The following NBAS variants were observed in gnomAD, a reference collection of about 807,000 sequenced individuals.
NBAS encodes the protein NAG/BC035112 fusion.
A neutral mutation model predicts 302.5 loss-of-function variants in NBAS; 219 were observed. The ratio of observed to expected loss-of-function variants is 0.72; its 90% CI spans 0.65 to 0.81. NBAS has a LOEUF of 0.81. Among genes scored for constraint, NBAS ranks in the 30% least tolerant of loss-of-function variants. The pLI is 0.00. For missense variants in NBAS, 2,932 were observed against 2,841.6 expected (o/e 1.03, Z -0.72); for synonymous variants, 1,118 against 1,021.6 (o/e 1.09, Z -1.80).
At chr2:14,940,750 G>A in the NBAS span, among the ~76,000 whole-genome samples, 2 of 152,162 alleles carry the variant, frequency 1.3e-5, no homozygotes, top group African/African-American at 4.8e-5. Context: ...GGCTGCTCCC[G>A]ATGTATGGTG....
chr2:14,916,758 T>G, the NBAS span, among the ~76,000 whole-genome samples: 1 of 152,218 alleles, frequency 6.6e-6, no homozygotes, highest in Non-Finnish European at 1.5e-5. Flanking sequence ...AGATGCCTCA[T>G]GTATTCAGAT....
chr2:14,855,875 G>A, the NBAS span, among the ~76,000 whole-genome samples: 2 of 152,218 alleles, frequency 1.3e-5, no homozygotes, highest in Admixed American at 6.5e-5. Flanking sequence ...CACAGGCCTG[G>A]CTGGCTTTGC....
intron 6 of NBAS, among the ~76,000 whole-genome samples, chr2:15,543,911 CATA>C (rs779784342): frequency 3.2e-4 from 48 of 152,096 alleles, no homozygotes; most frequent in Non-Finnish European, 6.2e-4. Context: ...CTATTTTGTT[CATA>C]ATGTTTATGA....
intron 21 of NBAS, among the ~76,000 whole-genome samples, chr2:15,436,678 A>C (rs1678032866): frequency 6.6e-6 from 1 of 152,198 alleles, no homozygotes; most frequent in Admixed American, 6.5e-5. Flanking sequence ...GAGGAAAAAA[A>C]TTGAAACCTT....
At chr2:15,493,686 AG>A (rs1446743433) in intron 11 of NBAS, among the ~76,000 whole-genome samples, 20 of 151,900 alleles carry the variant, frequency 1.3e-4, no homozygotes, top group African/African-American at 3.1e-4. Flanking sequence ...AAAAAAAAAA[AG>A]GTAAACCTCA....
the NBAS span, among the ~76,000 whole-genome samples, chr2:15,002,241 C>T: frequency 0.01 from 1,570 of 151,990 alleles, 25 homozygotes; most frequent in African/African-American, 0.036. Flanking sequence ...ATAGAGAGTG[C>T]CTGCCGATTG....
At chr2:15,112,370 A>C in the NBAS span, among the ~76,000 whole-genome samples, 140 of 152,254 alleles carry the variant, frequency 9.2e-4, 3 homozygotes, top group East Asian at 0.019. Context: ...GGATTGTGAA[A>C]AAATTAATAA....
intron 38 of NBAS, among the ~76,000 whole-genome samples, chr2:15,323,643 C>CA (rs952987097): frequency 6.6e-6 from 1 of 151,974 alleles, no homozygotes; most frequent in Non-Finnish European, 1.5e-5. Flanking sequence ...CCAGCCTGGA[C>CA]AACACGAGGA....
the NBAS span, among the ~76,000 whole-genome samples, chr2:15,011,384 T>TA: frequency 6.8e-4 from 100 of 147,890 alleles, no homozygotes; most frequent in Non-Finnish European, 1.2e-3. Context: ...TTTGAAGAGC[T>TA]AAAAAAAAAA....
chr2:15,247,524 T>G (rs1490616462), intron 44 of NBAS, among the ~76,000 whole-genome samples: 1 of 152,006 alleles, frequency 6.6e-6, no homozygotes, highest in Non-Finnish European at 1.5e-5. Flanking sequence ...GAGGAATATT[T>G]AGCAAGCAAA....
intron 40 of NBAS, among the ~76,000 whole-genome samples, chr2:15,306,182 T>C (rs1671027048): frequency 1.3e-5 from 2 of 152,210 alleles, no homozygotes; most frequent in African/African-American, 4.8e-5. Context: ...TAATGCATGT[T>C]TCTTATTTCA....
chr2:14,851,378 A>T, the NBAS span, among the ~76,000 whole-genome samples: 1 of 152,038 alleles, frequency 6.6e-6, no homozygotes, highest in Non-Finnish European at 1.5e-5. Context: ...AGACTAAACC[A>T]GGAAGAAGTT....
chr2:14,819,519 T>G, the NBAS span, among the ~76,000 whole-genome samples: 1 of 152,238 alleles, frequency 6.6e-6, no homozygotes, highest in South Asian at 2.1e-4. Context: ...TGCTTTTGTA[T>G]AGATCATGGA....
intron 6 of NBAS, among the ~76,000 whole-genome samples, chr2:15,540,353 T>C (rs1460425973): frequency 6.6e-6 from 1 of 152,032 alleles, no homozygotes; most frequent in Non-Finnish European, 1.5e-5. Flanking sequence ...CAGAAACGTA[T>C]GGCCTTCTTT....
intron 33 of NBAS, 145 bp downstream of exon 33, chr2:15,356,158 A>G (rs1673607472): frequency 1.4e-6 from 1 of 709,782 alleles, no homozygotes; most frequent in African/African-American, 1.7e-5. Flanking sequence ...CACAGCCTAT[A>G]TACTTACCAG....
chr2:14,814,984 T>C, the NBAS span, among the ~76,000 whole-genome samples: 9 of 152,204 alleles, frequency 5.9e-5, no homozygotes, highest in Non-Finnish European at 4.4e-5. Flanking sequence ...TGTAGCACTT[T>C]TCACTTTGCT....
chr2:15,319,716 TA>T (rs1671703811), intron 38 of NBAS, among the ~76,000 whole-genome samples: 1 of 151,848 alleles, frequency 6.6e-6, no homozygotes, highest in African/African-American at 2.4e-5. Flanking sequence ...ACTCTTTGAA[TA>T]GACAAATAAC....
rs762672898 is a variant in NBAS at position 15,292,791 on chromosome 2, C to T, written c.4798-25G>A. ...CCTATGAAAGACATGGAAAAGAAGA[C>T]ATTTTACCAACATCATACAAACACG... On this transcript the variant is annotated intron_variant, in intron 40 of 51. Coordinates refer to ENST00000281513, the MANE Select transcript of NBAS (RefSeq NM_015909.4). 7 of 1,606,034 alleles carry T rather than the reference C, an allele frequency of 4.4e-6. No homozygotes were observed. The South Asian group carries it at 6.6e-5, about 15-fold the overall frequency.
intron 40 of NBAS, among the ~76,000 whole-genome samples, chr2:15,299,247 G>T (rs1033712498): frequency 2.6e-5 from 4 of 152,226 alleles, no homozygotes; most frequent in African/African-American, 9.6e-5. Flanking sequence ...ATTGTGAAGA[G>T]TTAAATTACT....
Sources: allele counts gnomAD v4.1 joint callset (sites outside exome capture counted in the v4.1 genomes callset), GRCh38; gene constraint gnomAD v4.1.1; transcripts MANE v1.5; gene names NCBI Gene and HGNC (gene_info 2026-07-23, HGNC 2026-07-21).